FAT3: variants seen among roughly 807,000 people sequenced by gnomAD.
The protein encoded by FAT3 is FAT atypical cadherin 3, also known as protocadherin Fat 3.
A neutral mutation model predicts 310.2 loss-of-function variants in FAT3; 95 were observed. The observed-to-expected ratio is 0.31, with a 90% confidence interval of 0.26 to 0.36. The LOEUF (loss-of-function observed/expected upper bound fraction) is 0.36. FAT3 is among the 10% of genes least tolerant of loss of function. The pLI is 1.00. For missense variants in FAT3, 5,408 were observed against 5,715.6 expected, an observed-to-expected ratio of 0.95 and a Z score of 1.74; for synonymous variants, 2,314 against 2,192.9, an observed-to-expected ratio of 1.06 and a Z score of -1.54.
intron 2 of FAT3, among the ~76,000 whole-genome samples, chr11:92,356,170 T>G (rs1171988810): frequency 6.6e-6 from 1 of 152,186 alleles, no homozygotes; most frequent in Non-Finnish European, 1.5e-5. Context: ...TTGTCGCTAT[T>G]TGTCTTTAAA....
chr11:92,734,497 G>A (rs1459445731), intron 4 of FAT3, among the ~76,000 whole-genome samples: 1 of 152,130 alleles, frequency 6.6e-6, no homozygotes, highest in Non-Finnish European at 1.5e-5. Context: ...CATGTTAACT[G>A]AACGCTAAAG....
Position 92,890,820 on chromosome 11 carries a change from T to G in FAT3, c.13477T>G (p.Tyr4493Asp), listed in dbSNP as rs552795179. ...AAGGCCCCAGTTTCATCCTAGCCAG[T>G]ATCTCCCTCCTCACCCATTCCCCAA... Reference protein sequence around the residue: ...RRRPQFHPSQYLPPHPFPNET... With the variant: ...RRRPQFHPSQDLPPHPFPNET... The change falls in exon 28 of 28, where the codon TAT (tyrosine) becomes GAT (aspartate). Residue 4493 changes from tyrosine to aspartate, a missense_variant. Coordinates refer to ENST00000525166, the MANE Select transcript of FAT3 (RefSeq NM_001367949.2). The G allele has an allele frequency of 1.2e-6, 2 of 1,613,862 alleles. No homozygotes were observed. Among genetic ancestry groups the G allele is most frequent in the South Asian group, 2.2e-5 (2 of 91,070 alleles).
chr11:92,341,801 C>T (rs1370420851), intron 1 of FAT3, among the ~76,000 whole-genome samples: 1 of 152,110 alleles, frequency 6.6e-6, no homozygotes, highest in African/African-American at 2.4e-5. Flanking sequence ...ATTTTAGAGT[C>T]TCAGCCATTT....
At chr11:92,327,318 C>A (rs1303376141) in intron 1 of FAT3, among the ~76,000 whole-genome samples, 1 of 151,498 alleles carries the variant, frequency 6.6e-6, no homozygotes, top group Non-Finnish European at 1.5e-5. Flanking sequence ...CAGAATGAAG[C>A]AGGGAATGGA....
intron 4 of FAT3, among the ~76,000 whole-genome samples, chr11:92,755,620 A>G (rs755521996): frequency 1.3e-5 from 2 of 152,250 alleles, no homozygotes; most frequent in South Asian, 4.1e-4. Context: ...GTGTATACAT[A>G]TATCAAAACG....
rs775959273 is a variant in FAT3 at position 92,792,980 on chromosome 11, G to A, written c.4822+3G>A. 1 of 1,613,012 alleles carries A rather than the reference G, an allele frequency of 6.2e-7. No individual in the cohort carries two copies. Among genetic ancestry groups the A allele is most frequent in the East Asian group, 2.2e-5 (1 of 44,774 alleles). ...ACTCATATATACCATAGAAGCAGGT[G>A]AGAGCTGTTGCACTGCACAGATTTC... On this transcript the variant is annotated splice_donor_region_variant and intron_variant, in intron 9 of 27. Coordinates refer to ENST00000525166, the MANE Select transcript of FAT3 (RefSeq NM_001367949.2).
intron 2 of FAT3, among the ~76,000 whole-genome samples, chr11:92,399,299 T>G (rs1591229718): frequency 6.6e-6 from 1 of 152,178 alleles, no homozygotes; most frequent in African/African-American, 2.4e-5. Flanking sequence ...CTCTGGAGTT[T>G]CTTTATAATG....
At chr11:92,490,927 T>C (rs1952581469) in intron 2 of FAT3, among the ~76,000 whole-genome samples, 1 of 152,020 alleles carries the variant, frequency 6.6e-6, no homozygotes, top group Admixed American at 6.6e-5. Flanking sequence ...AGGATCAAGG[T>C]CCAAGGTCAT....
chr11:92,737,907 C>A (rs1225095431), intron 4 of FAT3, among the ~76,000 whole-genome samples: 1 of 152,048 alleles, frequency 6.6e-6, no homozygotes, highest in African/African-American at 2.4e-5. Context: ...ACAGAATCTG[C>A]CCCCTGATTG....
intron 20 of FAT3, among the ~76,000 whole-genome samples, 200 bp downstream of exon 20, chr11:92,857,548 T>C (rs973664125): frequency 2.6e-5 from 4 of 152,358 alleles, no homozygotes; most frequent in Middle Eastern, 3.4e-3. Context: ...TAAGGGAGCA[T>C]GTAAAGACTA....
intron 4 of FAT3, among the ~76,000 whole-genome samples, chr11:92,745,307 G>T (rs1257922952): frequency 4.6e-5 from 7 of 152,172 alleles, no homozygotes; most frequent in Admixed American, 2.6e-4. Context: ...ATTTAGATCT[G>T]CGGCTAATAT....
chr11:92,776,436 C>T (rs1339814523), intron 7 of FAT3, among the ~76,000 whole-genome samples: 6 of 152,160 alleles, frequency 3.9e-5, no homozygotes, highest in Non-Finnish European at 8.8e-5. Context: ...CCACAAATAT[C>T]TTTAGAGTTC....
chr11:92,690,467 T>C (rs549371509), intron 3 of FAT3, among the ~76,000 whole-genome samples: 1 of 152,294 alleles, frequency 6.6e-6, no homozygotes, highest in African/African-American at 2.4e-5. Flanking sequence ...TCCAAGTCTT[T>C]ACAAACCTGA....
chr11:92,810,748 A>T (rs1947648006), intron 13 of FAT3, among the ~76,000 whole-genome samples: 1 of 152,150 alleles, frequency 6.6e-6, no homozygotes, highest in Admixed American at 6.5e-5. Flanking sequence ...AAAAGACTGG[A>T]GTTAATTGCT....
intron 25 of FAT3, among the ~76,000 whole-genome samples, chr11:92,888,559 G>T (rs1285467086): frequency 6.6e-6 from 1 of 152,136 alleles, no homozygotes; most frequent in Non-Finnish European, 1.5e-5. Flanking sequence ...CTCTCCACAA[G>T]CCTTTGTACT....
chr11:92,640,308 C>G (rs986030941), intron 3 of FAT3, among the ~76,000 whole-genome samples: 3 of 152,042 alleles, frequency 2.0e-5, no homozygotes, highest in Non-Finnish European at 4.4e-5. Flanking sequence ...GAACCACCAG[C>G]CAGGGTGAGG....
At chr11:92,518,492 C>T (rs934409084) in intron 2 of FAT3, among the ~76,000 whole-genome samples, 1 of 152,068 alleles carries the variant, frequency 6.6e-6, no homozygotes, top group East Asian at 1.9e-4. Flanking sequence ...AGGGTAACAT[C>T]ACACACCAGG....
At chr11:92,409,168 T>C (rs1047358741) in intron 2 of FAT3, among the ~76,000 whole-genome samples, 27 of 152,276 alleles carry the variant, frequency 1.8e-4, no homozygotes, top group Admixed American at 5.2e-4. Context: ...TTCTTATTCA[T>C]GATTTTAGCA....
chr11:92,642,913 C>T (rs1000865990), intron 3 of FAT3, among the ~76,000 whole-genome samples: 1 of 152,234 alleles, frequency 6.6e-6, no homozygotes, highest in Non-Finnish European at 1.5e-5. Flanking sequence ...CTAACCCTTA[C>T]TCTGCCATGC....
Sources: allele counts gnomAD v4.1 joint callset (sites outside exome capture counted in the v4.1 genomes callset), GRCh38; gene constraint gnomAD v4.1.1; transcripts MANE v1.5; gene names NCBI Gene and HGNC (gene_info 2026-07-23, HGNC 2026-07-21).